Variants in CTNNBIP1 observed in about 807,000 individuals in gnomAD.
CTNNBIP1 encodes the protein beta-catenin-interacting protein 1.
Under a neutral mutation model 11.8 loss-of-function variants are expected in CTNNBIP1, and 7 were observed. The observed-to-expected ratio is 0.60, with a 90% CI of 0.34 to 1.12. The LOEUF is 1.12. Ranked by LOEUF, CTNNBIP1 falls within the 50% of genes most tolerant of loss-of-function variation. The pLI is 0.03. For synonymous variants in CTNNBIP1, 58 were observed against 43.9 expected, an observed-to-expected ratio of 1.32 and a Z score of -1.26; for missense variants, 101 against 113.4, an observed-to-expected ratio of 0.89 and a Z score of 0.50.
chr1:9,865,026 T>C (rs890222122), intron 5 of CTNNBIP1, among the ~76,000 whole-genome samples: 8 of 151,550 alleles, frequency 5.3e-5, no homozygotes, highest in Admixed American at 3.3e-4. Context: ...GTCAGGAGTT[T>C]GAGACAAATC....
chr1:9,853,507 G>A (rs1023056419), intron 5 of CTNNBIP1, among the ~76,000 whole-genome samples: 5 of 152,228 alleles, frequency 3.3e-5, no homozygotes, highest in African/African-American at 9.6e-5. Flanking sequence ...GACCTCAGAG[G>A]TTGAGTCCTA....
At chr1:9,890,012 CA>C (rs1218045371) in intron 1 of CTNNBIP1, among the ~76,000 whole-genome samples, 5 of 152,214 alleles carry the variant, frequency 3.3e-5, no homozygotes, top group African/African-American at 4.8e-5. Context: ...GGCCTCACTT[CA>C]GATAATCCTA....
At chr1:9,899,445 G>C (rs1570599230) in intron 1 of CTNNBIP1, among the ~76,000 whole-genome samples, 1 of 101,450 alleles carries the variant, frequency 9.9e-6, no homozygotes. Flanking sequence ...GACAGAACAA[G>C]ACTCCATCTC....
At chr1:9,890,023 A>C (rs1258755005) in intron 1 of CTNNBIP1, among the ~76,000 whole-genome samples, 2 of 152,194 alleles carry the variant, frequency 1.3e-5, no homozygotes, top group South Asian at 4.1e-4. Context: ...AGATAATCCT[A>C]ACACACCAAG....
At chr1:9,908,111 T>C (rs1262905348) in intron 1 of CTNNBIP1, among the ~76,000 whole-genome samples, 1 of 152,216 alleles carries the variant, frequency 6.6e-6, no homozygotes, top group Non-Finnish European at 1.5e-5. Flanking sequence ...CAGGCTGGAG[T>C]GCAGTGGCGC....
At chr1:9,859,923 C>G (rs909430904) in intron 5 of CTNNBIP1, among the ~76,000 whole-genome samples, 3 of 152,196 alleles carry the variant, frequency 2.0e-5, no homozygotes, top group African/African-American at 7.2e-5. Flanking sequence ...GGGTGCCTCC[C>G]TGGACTATCC....
At chr1:9,886,933 C>T (rs1255595718) in intron 1 of CTNNBIP1, among the ~76,000 whole-genome samples, 3 of 152,182 alleles carry the variant, frequency 2.0e-5, no homozygotes, top group Admixed American at 6.5e-5. Context: ...ATATATTCCA[C>T]GTTGCAGCCT....
At chr1:9,884,514 G>C (rs1639147170) in intron 1 of CTNNBIP1, among the ~76,000 whole-genome samples, 1 of 152,176 alleles carries the variant, frequency 6.6e-6, no homozygotes, top group African/African-American at 2.4e-5. Flanking sequence ...TATCTAGCAG[G>C]TCACAACCAG....
At position 9,850,018 on chromosome 1, in the gene CTNNBIP1, G is replaced by C. The variant is rs1279336015; in HGVS notation, c.*700C>G. On this transcript the variant is annotated 3_prime_UTR_variant, in exon 6 of 6. Coordinates refer to ENST00000377263, the MANE Select transcript of CTNNBIP1 (RefSeq NM_020248.3). ...CTCAGGCCCAGAGCCGGCAGCAGAG[G>C]GGGGTGAATCCATGGCAACAGGAGT... 1 of 152,598 alleles carries C rather than the reference G, an allele frequency of 6.6e-6. No individual in the cohort carries two copies. Among genetic ancestry groups the C allele is most frequent in the Non-Finnish European group, 1.5e-5 (1 of 68,082 alleles). The allele number at this position is 152,598 out of a possible 1,614,324, so 9.5% of individuals were successfully genotyped here.
chr1:9,909,241 TGTGA>T (rs1208901154), intron 1 of CTNNBIP1, among the ~76,000 whole-genome samples: 3 of 152,354 alleles, frequency 2.0e-5, no homozygotes, highest in Admixed American at 1.3e-4. Context: ...CTCTCAGTTC[TGTGA>T]GTGACAGGAG....
intron 1 of CTNNBIP1, among the ~76,000 whole-genome samples, chr1:9,893,466 A>G (rs908873600): frequency 6.6e-6 from 1 of 152,204 alleles, no homozygotes; most frequent in African/African-American, 2.4e-5. Context: ...TCCCCTGGCA[A>G]AAAGACTCCA....
chr1:9,858,389 C>T (rs1308968542), intron 5 of CTNNBIP1, among the ~76,000 whole-genome samples: 1 of 152,192 alleles, frequency 6.6e-6, no homozygotes, highest in Non-Finnish European at 1.5e-5. Flanking sequence ...GACCCACACA[C>T]GCTGGTCTCT....
intron 1 of CTNNBIP1, among the ~76,000 whole-genome samples, chr1:9,898,112 C>T (rs1295703410): frequency 6.8e-6 from 1 of 148,000 alleles, no homozygotes; most frequent in African/African-American, 2.5e-5. Context: ...GAGACTCTGT[C>T]TCAGCAAAAA....
chr1:9,908,185 A>T (rs1011256340), intron 1 of CTNNBIP1, among the ~76,000 whole-genome samples: 3 of 151,442 alleles, frequency 2.0e-5, no homozygotes, highest in African/African-American at 7.3e-5. Context: ...CAGCCTCCCA[A>T]GTAGCTGGGA....
chr1:9,873,143 T>A (rs900364809), intron 3 of CTNNBIP1, among the ~76,000 whole-genome samples: 1 of 152,126 alleles, frequency 6.6e-6, no homozygotes, highest in African/African-American at 2.4e-5. Context: ...TGTAGGTACT[T>A]GTCAACTGCT....
At chr1:9,859,850 A>G (rs1638585837) in intron 5 of CTNNBIP1, among the ~76,000 whole-genome samples, 1 of 152,210 alleles carries the variant, frequency 6.6e-6, no homozygotes, top group African/African-American at 2.4e-5. Context: ...CCCAGGCCAC[A>G]TGGGTGAAAT....
intron 1 of CTNNBIP1, among the ~76,000 whole-genome samples, chr1:9,894,190 T>C (rs750198059): frequency 4.6e-5 from 7 of 152,256 alleles, no homozygotes; most frequent in Non-Finnish European, 8.8e-5. Context: ...TTTATGGCTC[T>C]GTGCTGTGGG....
chr1:9,870,471 C>G (rs1349704001), intron 5 of CTNNBIP1, among the ~76,000 whole-genome samples: 1 of 152,336 alleles, frequency 6.6e-6, no homozygotes, highest in Admixed American at 6.5e-5. Context: ...AGGTGTACAT[C>G]CCGGGACTCC....
chr1:9,866,332 G>T (rs1638744720), intron 5 of CTNNBIP1, among the ~76,000 whole-genome samples: 1 of 152,216 alleles, frequency 6.6e-6, no homozygotes, highest in South Asian at 2.1e-4. Context: ...GTGAGGTCAG[G>T]TCTTGCTCAC....
Sources: gnomAD v4.1 joint callset for allele counts (sites outside exome capture counted in the v4.1 genomes callset) on GRCh38, gnomAD v4.1.1 for gene constraint, MANE v1.5 for transcripts, NCBI Gene and HGNC (gene_info 2026-07-23, HGNC 2026-07-21) for gene names.